The following MPPED2 variants were observed in gnomAD, a reference collection of about 807,000 sequenced individuals.
The protein encoded by MPPED2 is metallophosphoesterase domain containing 2.
A neutral mutation model predicts 33.0 loss-of-function variants in MPPED2; 5 were observed. That is an observed-to-expected ratio of 0.15 (90% CI 0.08 to 0.32). The LOEUF is 0.32. MPPED2 is among the 10% of genes least tolerant of loss of function. MPPED2 has a pLI of 1.00. For missense variants in MPPED2, 275 were observed against 372.1 expected (o/e 0.74, Z 2.15); for synonymous variants, 136 against 141.9 (o/e 0.96, Z 0.29).
intron 4 of MPPED2, among the ~76,000 whole-genome samples, chr11:30,420,624 C>T (rs950353187): frequency 1.3e-5 from 2 of 152,272 alleles, no homozygotes; most frequent in South Asian, 4.1e-4. Context: ...AGCCACACCG[C>T]CTTGCTCAGC....
intron 4 of MPPED2, among the ~76,000 whole-genome samples, chr11:30,494,496 G>A (rs1952139956): frequency 6.6e-6 from 1 of 152,088 alleles, no homozygotes; most frequent in Non-Finnish European, 1.5e-5. Context: ...CCAGCACTTT[G>A]GGAGGCCAAG....
intron 4 of MPPED2, among the ~76,000 whole-genome samples, chr11:30,430,525 A>C (rs1373272879): frequency 1.3e-5 from 2 of 152,226 alleles, no homozygotes; most frequent in Non-Finnish European, 2.9e-5. Context: ...TTATATTCAT[A>C]TCGGAAAATG....
At chr11:30,391,324 C>T (rs1255999965) in intron 6 of MPPED2, among the ~76,000 whole-genome samples, 3 of 152,294 alleles carry the variant, frequency 2.0e-5, no homozygotes, top group Non-Finnish European at 1.5e-5. Context: ...TCTTGCACTG[C>T]TCATACACTC....
chr11:30,570,209 T>C (rs1956630981), intron 2 of MPPED2, among the ~76,000 whole-genome samples: 1 of 152,130 alleles, frequency 6.6e-6, no homozygotes, highest in Non-Finnish European at 1.5e-5. Context: ...TGTCTGCTGA[T>C]GGCCCAATTC....
chr11:30,456,781 T>A (rs1336226678), intron 4 of MPPED2, among the ~76,000 whole-genome samples: 1 of 152,164 alleles, frequency 6.6e-6, no homozygotes, highest in Non-Finnish European at 1.5e-5. Context: ...CCTTAAACAG[T>A]GCCATAATGG....
intron 4 of MPPED2, among the ~76,000 whole-genome samples, chr11:30,448,975 C>T (rs1269785324): frequency 2.0e-5 from 3 of 152,188 alleles, no homozygotes; most frequent in South Asian, 4.1e-4. Context: ...TTTTTAACCA[C>T]ATGCTGTATG....
At chr11:30,444,586 G>A (rs896204919) in intron 4 of MPPED2, among the ~76,000 whole-genome samples, 6 of 151,582 alleles carry the variant, frequency 4.0e-5, no homozygotes, top group African/African-American at 1.5e-4. Context: ...TACATTTACT[G>A]TGATTTCAAA....
At chr11:30,535,706 A>G (rs543656196) in intron 3 of MPPED2, among the ~76,000 whole-genome samples, 12 of 152,316 alleles carry the variant, frequency 7.9e-5, no homozygotes, top group African/African-American at 2.9e-4. Context: ...CTGTGTGCCA[A>G]TGAATGCCCT....
chr11:30,575,323 A>G (rs1481505816), intron 2 of MPPED2, among the ~76,000 whole-genome samples: 1 of 152,238 alleles, frequency 6.6e-6, no homozygotes, highest in Non-Finnish European at 1.5e-5. Context: ...AATACCATAT[A>G]TATTATCATA....
intron 2 of MPPED2, among the ~76,000 whole-genome samples, chr11:30,537,798 T>C (rs1421316389): frequency 6.6e-6 from 1 of 152,204 alleles, no homozygotes; most frequent in Non-Finnish European, 1.5e-5. Context: ...TAGAAATTAA[T>C]ATGCTGTTAC....
chr11:30,444,608 GT>G (rs769778497), intron 4 of MPPED2, among the ~76,000 whole-genome samples: 88 of 152,018 alleles, frequency 5.8e-4, no homozygotes, highest in Non-Finnish European at 1.1e-3. Flanking sequence ...AATGTTACAA[GT>G]TAAGACTTAA....
At chr11:30,535,444 A>T (rs1200940329) in intron 3 of MPPED2, among the ~76,000 whole-genome samples, 1 of 152,176 alleles carries the variant, frequency 6.6e-6, no homozygotes, top group Non-Finnish European at 1.5e-5. Context: ...GCAACTTCAC[A>T]TCCCAAGTTT....
chr11:30,399,208 T>A (rs946530380), intron 6 of MPPED2, among the ~76,000 whole-genome samples: 1 of 152,110 alleles, frequency 6.6e-6, no homozygotes, highest in East Asian at 1.9e-4. Flanking sequence ...TCACCTTGCA[T>A]ACTAAATTCA....
intron 6 of MPPED2, among the ~76,000 whole-genome samples, chr11:30,396,380 T>C (rs1482487848): frequency 6.6e-6 from 1 of 152,154 alleles, no homozygotes; most frequent in African/African-American, 2.4e-5. Context: ...TTTCTTAAAT[T>C]TCTTACCCTC....
intron 4 of MPPED2, among the ~76,000 whole-genome samples, chr11:30,440,261 C>T (rs146304146): frequency 0.022 from 3,283 of 150,962 alleles, 45 homozygotes; most frequent in Middle Eastern, 0.052. Flanking sequence ...ATCCGGGAGG[C>T]GGAGGTTGCA....
chr11:30,487,468 A>G (rs1237506945), intron 4 of MPPED2, among the ~76,000 whole-genome samples: 2 of 152,176 alleles, frequency 1.3e-5, no homozygotes, highest in Non-Finnish European at 2.9e-5. Context: ...CTCATGCCTT[A>G]TAACACATTA....
At chr11:30,409,551 G>C (rs523387), downstream of MPPED2, among the ~76,000 whole-genome samples, 147,584 of 152,338 alleles carry the variant, frequency 0.97, 71,514 homozygotes, top group East Asian at 1. Context: ...AGAACATTCT[G>C]TCAATTCTGC....
chr11:30,405,701 C>T (rs887974694), downstream of MPPED2, among the ~76,000 whole-genome samples: 2 of 152,220 alleles, frequency 1.3e-5, no homozygotes, highest in Admixed American at 6.5e-5. Context: ...AGCTTTCTCT[C>T]GTGACGGGCT....
intron 4 of MPPED2, among the ~76,000 whole-genome samples, chr11:30,422,625 G>A (rs1475317315): frequency 1.3e-5 from 2 of 152,152 alleles, no homozygotes; most frequent in Non-Finnish European, 2.9e-5. Flanking sequence ...AATGGGTTTT[G>A]TTGTGTAGCA....
Sources: allele counts gnomAD v4.1 joint callset (sites outside exome capture counted in the v4.1 genomes callset), GRCh38; gene constraint gnomAD v4.1.1; transcripts MANE v1.5; gene names NCBI Gene and HGNC (gene_info 2026-07-23, HGNC 2026-07-21).